Variants in DPP10 observed in about 807,000 individuals in gnomAD.
DPP10 encodes the protein dipeptidyl peptidase like 10.
In DPP10, 33 loss-of-function variants were observed where a neutral mutation model predicts 120.9. The ratio of observed to expected loss-of-function variants is 0.27; its 90% CI spans 0.21 to 0.37. The LOEUF (loss-of-function observed/expected upper bound fraction) is 0.37. DPP10 is among the 10% of genes least tolerant of loss of function. The pLI, the probability that DPP10 is intolerant of heterozygous loss-of-function variation, is 1.00. For missense variants in DPP10, 816 were observed against 942.8 expected, an observed-to-expected ratio of 0.87 and a Z score of 1.76; for synonymous variants, 337 against 326.1, an observed-to-expected ratio of 1.03 and a Z score of -0.36.
At chr2:115,757,129 T>C (rs964913673) in intron 11 of DPP10, among the ~76,000 whole-genome samples, 1 of 151,964 alleles carries the variant, frequency 6.6e-6, no homozygotes, top group African/African-American at 2.4e-5. Context: ...AAGGAGTATA[T>C]GATAACATCC....
intron 1 of DPP10, among the ~76,000 whole-genome samples, chr2:114,616,782 GTT>G (rs1693708422): frequency 6.6e-6 from 1 of 152,082 alleles, no homozygotes; most frequent in South Asian, 2.1e-4. Flanking sequence ...TAACTCCACA[GTT>G]TCTTGCCAGG....
At chr2:115,238,063 T>C (rs2058086935) in intron 1 of DPP10, among the ~76,000 whole-genome samples, 1 of 152,230 alleles carries the variant, frequency 6.6e-6, no homozygotes, top group South Asian at 2.1e-4. Flanking sequence ...TGGAAGAAGA[T>C]GGCGTCTAGG....
chr2:115,464,702 G>T lies in DPP10; in HGVS notation c.272-34808G>T, dbSNP rs1250121204. On this transcript the variant is annotated intron_variant, in intron 3 of 25. Coordinates refer to ENST00000410059, the MANE Select transcript of DPP10 (RefSeq NM_020868.6). ...CAGGGCAGAGGGCTTGGAGAGGAATGTTCAGAGTCCTGGGTAGGGATGGAT... is the reference window on the plus strand; with the variant it reads ...CAGGGCAGAGGGCTTGGAGAGGAATTTTCAGAGTCCTGGGTAGGGATGGAT... Among the ~76,000 whole-genome samples the T allele has an allele frequency of 3.3e-5, 5 of 152,168 alleles. No individual in the cohort carries two copies. The East Asian group carries it at 9.6e-4, about 29-fold the overall frequency.
At chr2:114,866,263 TAAGAAAAGAA>T (rs755394510) in intron 1 of DPP10, among the ~76,000 whole-genome samples, 1 of 152,002 alleles carries the variant, frequency 6.6e-6, no homozygotes, top group South Asian at 2.1e-4. Flanking sequence ...TGGTAGCTAA[TAAGAAAAGAA>T]AAGAAAAGAA....
chr2:114,694,173 T>G (rs571741851), intron 1 of DPP10, among the ~76,000 whole-genome samples: 80 of 151,994 alleles, frequency 5.3e-4, no homozygotes, highest in African/African-American at 1.8e-3. Context: ...ATTTTTAGAA[T>G]GAGAATAATA....
At chr2:114,794,576 G>C (rs748454397) in intron 1 of DPP10, among the ~76,000 whole-genome samples, 2 of 152,138 alleles carry the variant, frequency 1.3e-5, no homozygotes, top group African/African-American at 2.4e-5. Context: ...AAAATGATTT[G>C]GGAAAGTTTT....
intron 1 of DPP10, among the ~76,000 whole-genome samples, chr2:115,256,132 G>A (rs1193908159): frequency 2.6e-5 from 4 of 152,170 alleles, no homozygotes; most frequent in Non-Finnish European, 4.4e-5. Flanking sequence ...AGTTCAGCAT[G>A]GCTGGGGAGG....
chr2:115,220,243 C>G (rs993145036), intron 1 of DPP10, among the ~76,000 whole-genome samples: 3 of 152,126 alleles, frequency 2.0e-5, no homozygotes, highest in Admixed American at 1.3e-4. Context: ...ATTTTATACA[C>G]TCATTGTTGG....
chr2:115,830,086 T>C (rs1688762941), intron 21 of DPP10, among the ~76,000 whole-genome samples: 1 of 152,188 alleles, frequency 6.6e-6, no homozygotes, highest in East Asian at 1.9e-4. Context: ...CCGGGAGCAG[T>C]GGCTCATGCG....
At chr2:114,570,112 A>T (rs1174085015) in intron 1 of DPP10, among the ~76,000 whole-genome samples, 1 of 152,190 alleles carries the variant, frequency 6.6e-6, no homozygotes, top group Non-Finnish European at 1.5e-5. Context: ...TCCTCTCAGC[A>T]GCACCCCCTT....
At chr2:115,708,355 A>G (rs1382114019) in intron 7 of DPP10, among the ~76,000 whole-genome samples, 4 of 151,996 alleles carry the variant, frequency 2.6e-5, no homozygotes, top group African/African-American at 9.7e-5. Context: ...AATAATATTG[A>G]AGTTGGCTAT....
chr2:115,608,575 A>G (rs913958809), intron 5 of DPP10, among the ~76,000 whole-genome samples: 2 of 152,168 alleles, frequency 1.3e-5, no homozygotes, highest in African/African-American at 2.4e-5. Context: ...TGGAACAACT[A>G]ATGTTGTTCT....
chr2:115,194,999 A>G (rs1187920864), intron 1 of DPP10, among the ~76,000 whole-genome samples: 2 of 152,118 alleles, frequency 1.3e-5, no homozygotes, highest in African/African-American at 4.8e-5. Flanking sequence ...TGTCAGATAA[A>G]CTTAAGCTGG....
intron 1 of DPP10, among the ~76,000 whole-genome samples, chr2:114,670,721 C>T (rs1698273792): frequency 6.6e-6 from 1 of 152,058 alleles, no homozygotes; most frequent in Non-Finnish European, 1.5e-5. Context: ...ATAAAATCTA[C>T]ATATGCCAAC....
intron 1 of DPP10, among the ~76,000 whole-genome samples, chr2:114,676,122 C>T (rs1198726891): frequency 6.6e-6 from 1 of 152,098 alleles, no homozygotes; most frequent in Non-Finnish European, 1.5e-5. Flanking sequence ...TGCTTATTAA[C>T]TGTATCTGAA....
intron 1 of DPP10, among the ~76,000 whole-genome samples, chr2:115,060,097 T>C (rs1311914382): frequency 6.6e-6 from 1 of 151,986 alleles, no homozygotes; most frequent in Non-Finnish European, 1.5e-5. Flanking sequence ...AAAGCATCAC[T>C]TATTTTAATG....
intron 1 of DPP10, among the ~76,000 whole-genome samples, chr2:114,821,153 G>A (rs1271246380): frequency 6.6e-6 from 1 of 152,132 alleles, no homozygotes; most frequent in African/African-American, 2.4e-5. Context: ...TTTGCATAGG[G>A]CTCACGGGAT....
At chr2:115,530,227 T>C (rs1203710627) in intron 5 of DPP10, among the ~76,000 whole-genome samples, 2 of 152,082 alleles carry the variant, frequency 1.3e-5, no homozygotes, top group East Asian at 3.9e-4. Flanking sequence ...TGCTGGGCTG[T>C]ATATTATAGG....
intron 1 of DPP10, among the ~76,000 whole-genome samples, chr2:115,033,661 C>T (rs1338720864): frequency 6.7e-6 from 1 of 148,996 alleles, no homozygotes; most frequent in East Asian, 2.0e-4. Flanking sequence ...TAATTGTATA[C>T]AAAATTTGGC....
Sources: gnomAD v4.1 joint callset for allele counts (sites outside exome capture counted in the v4.1 genomes callset) on GRCh38, gnomAD v4.1.1 for gene constraint, MANE v1.5 for transcripts, NCBI Gene and HGNC (gene_info 2026-07-23, HGNC 2026-07-21) for gene names.